The following ADGRG1 variants were observed in gnomAD, a reference collection of about 807,000 sequenced individuals.
ADGRG1 encodes the protein adhesion G protein-coupled receptor G1, also known as 7-transmembrane protein with no EGF-like N-terminal domains-1.
ADGRG1 carries 53 observed loss-of-function variants against 73.5 expected under a neutral mutation model. The ratio of observed to expected loss-of-function variants is 0.72; its 90% CI spans 0.58 to 0.91. The LOEUF is 0.91. Ranked by LOEUF, ADGRG1 falls within the 40% of genes least tolerant of loss-of-function variation. The pLI is 0.00. For synonymous variants in ADGRG1, 394 were observed against 374.4 expected (o/e 1.05, Z -0.60); for missense variants, 795 against 871.8 (o/e 0.91, Z 1.11).
chr16:57,626,383 C>T (rs2035826647), upstream of ADGRG1, among the ~76,000 whole-genome samples: 1 of 152,166 alleles, frequency 6.6e-6, no homozygotes, highest in South Asian at 2.1e-4. Flanking sequence ...TTGAATTTCT[C>T]CCCCTTTACT....
intron 1 of ADGRG1, chr16:57,639,200 C>T (rs2040123133): frequency 1.1e-6 from 1 of 909,828 alleles, no homozygotes; most frequent in Non-Finnish European, 1.3e-6. Flanking sequence ...TCAAGACAGG[C>T]AGGTGTCCCC....
chr16:57,655,011 C>T lies in ADGRG1; in HGVS notation c.769-388C>T, dbSNP rs112279999. 1.5e-3 allele frequency: 1,477 copies of T among 973,774 alleles called. 19 individuals are homozygous for T. The African/African-American group carries it at 0.024, about 16-fold the overall frequency. 60.3% of individuals were successfully genotyped at this position (973,774 alleles called of 1,614,324 possible). A position where few individuals can be genotyped will look rare whatever the true frequency, so the allele number is the denominator to read the frequency against. On this transcript the variant is annotated intron_variant, in intron 5 of 13. Transcript: ENST00000562631. Reference sequence around the variant, plus strand: ...CTGGGATTACAGGCGTGAGCCACTGCACCCAGCCACACACCCCATCTTGAG... The same window carrying T: ...CTGGGATTACAGGCGTGAGCCACTGTACCCAGCCACACACCCCATCTTGAG...
chr16:57,650,933 C>T (rs1457757164), intron 2 of ADGRG1: 3 of 277,716 alleles, frequency 1.1e-5, no homozygotes, highest in Non-Finnish European at 1.1e-5. Flanking sequence ...TGGTCTCGAT[C>T]TCCTGACCTC....
intron 8 of ADGRG1, 53 bp downstream of exon 8, chr16:57,656,324 T>A: frequency 5.5e-6 from 4 of 733,106 alleles, no homozygotes; most frequent in Non-Finnish European, 8.9e-6. Context: ...AGAAATAGAG[T>A]CCTGGGGGGT....
chr16:57,655,856 C>T lies in ADGRG1; in HGVS notation c.901-20C>T, dbSNP rs756619784. On this transcript the variant is annotated intron_variant, in intron 6 of 13. Coordinates refer to ENST00000562631, the MANE Select transcript of ADGRG1 (RefSeq NM_201525.4). ...CCTGAACTCCCTCCCTACTCTCTTCCTCCAACCCCATGTATCTAGGACAAG... is the reference window on the plus strand; with the variant it reads ...CCTGAACTCCCTCCCTACTCTCTTCTTCCAACCCCATGTATCTAGGACAAG... The T allele has an allele frequency of 2.5e-6, 4 of 1,614,072 alleles. No homozygotes were observed. Among genetic ancestry groups the T allele is most frequent in the Non-Finnish European group, 2.5e-6 (3 of 1,179,926 alleles).
intron 1 of ADGRG1, chr16:57,647,504 T>G: frequency 1.2e-6 from 1 of 869,008 alleles, no homozygotes; most frequent in Non-Finnish European, 1.4e-6. Flanking sequence ...AGGTATCAAT[T>G]CATTTAATTC....
chr16:57,643,187 C>T (rs2404691), intron 1 of ADGRG1: 37,981 of 152,182 alleles, frequency 0.25, 4,965 homozygotes, highest in East Asian at 0.43. Flanking sequence ...CTCTCACAGA[C>T]GTGTCACAAG....
intron 6 of ADGRG1, 137 bp downstream of exon 6, chr16:57,655,667 G>A (rs1240821551): frequency 1.1e-5 from 18 of 1,584,980 alleles, no homozygotes; most frequent in Non-Finnish European, 1.5e-5. Context: ...GCACTGCAAT[G>A]TGCAAATCTC....
chr16:57,660,853 A>G lies in ADGRG1; in HGVS notation c.1641A>G (p.Pro547=), dbSNP rs1319459164. The change falls in exon 12 of 14, where the codon CCA becomes CCG. Residue 547 remains proline (P), a synonymous_variant. Transcript: ENST00000562631. ...GPIILAVHRT[P]EGVIYPSMCW... is the part of the protein sequence containing the mutation. ...TCATCTTGGCTGTGCATAGGACTCC[A>G]GAGGGCGTCATCTACCCTTCCATGT... The G allele has an allele frequency of 6.2e-7, 1 of 1,602,636 alleles. No individual in the cohort carries two copies. Among genetic ancestry groups the G allele is most frequent in the African/African-American group, 1.3e-5 (1 of 74,864 alleles).
intron 2 of ADGRG1, chr16:57,621,900 G>A: frequency 1.0e-6 from 1 of 983,874 alleles, no homozygotes; most frequent in Non-Finnish European, 1.2e-6. Flanking sequence ...TTCAGGAAGG[G>A]AGGTTTCTAC....
intron 1 of ADGRG1, chr16:57,637,540 G>C (rs749262958): frequency 1.0e-6 from 1 of 985,290 alleles, no homozygotes; most frequent in South Asian, 4.7e-5. Context: ...AACAGAGGCC[G>C]CCTTCTCCGG....
chr16:57,654,184 A>T, intron 5 of ADGRG1, 51 bp downstream of exon 5: 1 of 1,577,414 alleles, frequency 6.3e-7, no homozygotes, highest in Non-Finnish European at 8.6e-7. Flanking sequence ...CCGGGGCCAG[A>T]TGGAGGTGGG....
chr16:57,623,286 G>A (rs1266094109), upstream of ADGRG1: 2 of 962,860 alleles, frequency 2.1e-6, no homozygotes, highest in East Asian at 2.3e-4. Flanking sequence ...GTGGACGCAG[G>A]AGCCCGACTG....
chr16:57,659,617 C>T lies in ADGRG1; in HGVS notation c.1491C>T (p.Leu497=), dbSNP rs369114425. Reference sequence around the variant, plus strand: ...TCGAGGGGTACAACCTCTACCGACTCGTGGTGGAGGTCTTTGGCACCTATG... The same window carrying T: ...TCGAGGGGTACAACCTCTACCGACTTGTGGTGGAGGTCTTTGGCACCTATG... ...MGLEGYNLYR[L]VVEVFGTYVP... The change falls in exon 11 of 14, where the codon CTC becomes CTT. Residue 497 remains leucine (L), a synonymous_variant. Transcript: ENST00000562631. 4.8e-5 allele frequency: 77 copies of T among 1,613,090 alleles called. No individual in the cohort carries two copies. The East Asian group carries it at 9.1e-4, about 19-fold the overall frequency.
chr16:57,633,659 G>T, intron 1 of ADGRG1: 1 of 257,212 alleles, frequency 3.9e-6, no homozygotes, highest in Non-Finnish European at 6.1e-6. Context: ...CATGAGGCTG[G>T]TAATGGCATC....
chr16:57,644,637 C>T (rs1482711424), intron 1 of ADGRG1, among the ~76,000 whole-genome samples: 1 of 146,944 alleles, frequency 6.8e-6, no homozygotes, highest in African/African-American at 2.5e-5. Context: ...CATGCACACT[C>T]ATGCATGGGC....
intron 1 of ADGRG1, chr16:57,639,788 T>A (rs1024279787): frequency 7.8e-5 from 63 of 809,368 alleles, no homozygotes; most frequent in Non-Finnish European, 6.4e-5. Flanking sequence ...CCAGCTCGCC[T>A]CCTTCCTCCC....
rs1336389757 is a variant in ADGRG1, at chr16:57,655,961, T to C, written c.986T>C (p.Val329Ala). The C allele has an allele frequency of 6.2e-7, 1 of 1,613,960 alleles. No homozygotes were observed. The highest frequency in any genetic ancestry group is 1.3e-5 in the African/African-American group (1 of 74,928). ...AAAGTAGCCAACCTCACGGAGCCCG[T>C]GGTGCTCACTTTCCAGCACCAGCTA... Reference protein sequence around the residue: ...NTKVANLTEPVVLTFQHQLQP... With the variant: ...NTKVANLTEPAVLTFQHQLQP... Residue 329 changes from valine (V) to alanine (A), a missense_variant, in exon 7 of 14, where the codon GTG becomes GCG. Coordinates refer to ENST00000562631, the MANE Select transcript of ADGRG1 (RefSeq NM_201525.4).
In ADGRG1 at chr16:57,651,233, G is replaced by A. The variant is rs759353835; in HGVS notation, c.98G>A (p.Arg33His). 4.3e-5 allele frequency: 69 copies of A among 1,613,944 alleles called. No individual in the cohort carries two copies. Among genetic ancestry groups the A allele is most frequent in the South Asian group, 3.0e-4 (27 of 91,074 alleles). Residue 33 changes from arginine (R) to histidine (H), a missense_variant, in exon 3 of 14, where the codon CGC (arginine) becomes CAC (histidine). By Grantham distance (29) the Arg-to-His change is conservative. Coordinates refer to ENST00000562631, the MANE Select transcript of ADGRG1 (RefSeq NM_201525.4). ...GGCAGGGGCCACAGGGAAGACTTTC[G>A]CTTCTGCAGCCAGCGGAACCAGACA... Reference protein sequence around the residue: ...AHGRGHREDFRFCSQRNQTHR... With the variant: ...AHGRGHREDFHFCSQRNQTHR...
Sources: gnomAD v4.1 joint callset for allele counts (sites outside exome capture counted in the v4.1 genomes callset) on GRCh38, gnomAD v4.1.1 for gene constraint, MANE v1.5 for transcripts, NCBI Gene and HGNC (gene_info 2026-07-23, HGNC 2026-07-21) for gene names.